RMST: variants seen among roughly 807,000 people sequenced by gnomAD.
RMST encodes rhabdomyosarcoma 2 associated transcript, also known as long intergenic non-protein coding RNA 54.
intron 11 of RMST, among the ~76,000 whole-genome samples, chr12:97,548,338 C>G (rs1883083699): frequency 1.3e-5 from 2 of 152,006 alleles, no homozygotes; most frequent in Admixed American, 1.3e-4. Flanking sequence ...ATGCTTCCAG[C>G]CTTGTTCTTT....
intron 10 of RMST, among the ~76,000 whole-genome samples, chr12:97,526,426 G>T (rs1317687919): frequency 2.0e-5 from 3 of 152,000 alleles, no homozygotes; most frequent in Non-Finnish European, 4.4e-5. Context: ...GTTACCTTTG[G>T]TGACTTTTTA....
chr12:97,540,081 G>T (rs1565935533), intron 11 of RMST, among the ~76,000 whole-genome samples: 2 of 151,618 alleles, frequency 1.3e-5, no homozygotes, highest in South Asian at 4.1e-4. Context: ...TGACTGCTTG[G>T]CGTATCCTGA....
intron 10 of RMST, among the ~76,000 whole-genome samples, chr12:97,516,171 A>C (rs1879912486): frequency 6.6e-6 from 1 of 152,054 alleles, no homozygotes; most frequent in Non-Finnish European, 1.5e-5. Context: ...ATATATCTTG[A>C]GAAATCCTTT....
intron 4 of RMST, among the ~76,000 whole-genome samples, chr12:97,464,076 A>C (rs892775922): frequency 2.9e-4 from 44 of 152,216 alleles, no homozygotes; most frequent in Admixed American, 2.0e-3. Context: ...AGTAATACAA[A>C]AAAACTCAGC....
chr12:97,536,075 T>C (rs1282851939), intron 11 of RMST, among the ~76,000 whole-genome samples: 2 of 151,582 alleles, frequency 1.3e-5, no homozygotes, highest in African/African-American at 4.8e-5. Flanking sequence ...ATGGTTTCTT[T>C]GGTGTGAGCA....
chr12:97,493,982 G>A (rs1329010364), exon 8 of RMST: 1 of 152,206 alleles, frequency 6.6e-6, no homozygotes, highest in East Asian at 1.9e-4. Context: ...AGAGCCCTGT[G>A]CTGTTCTGTC....
chr12:97,485,104 T>C (rs1463921383), intron 5 of RMST, among the ~76,000 whole-genome samples: 1 of 152,192 alleles, frequency 6.6e-6, no homozygotes, highest in Non-Finnish European at 1.5e-5. Context: ...TCAGATAACT[T>C]AGAATGATTG....
chr12:97,507,768 G>A (rs1424233985), intron 10 of RMST, among the ~76,000 whole-genome samples: 1 of 152,198 alleles, frequency 6.6e-6, no homozygotes, highest in Non-Finnish European at 1.5e-5. Context: ...GTTGAATGGA[G>A]GAGGTAGTAT....
rs1312946377 is a variant in RMST, at chr12:97,551,171, T to A, written n.1546-9366T>A. ...AATGGCATTCATGGTTCATTGTTTT[T>A]AAAAAAAAAAAAAAAAAAAGACCAA... On this transcript the variant is annotated intron_variant and non_coding_transcript_variant, in intron 11 of 13. Transcript: ENST00000640149. Among the ~76,000 whole-genome samples the A allele has an allele frequency of 8.8e-4, 117 of 132,346 alleles. 1 individual carries two copies. In the Middle Eastern group the frequency reaches 0.019, roughly 22 times the overall value. The allele number at this position is 132,346 out of a possible 152,430, so 86.8% of individuals were successfully genotyped here. A position where few individuals can be genotyped will look rare whatever the true frequency, so the allele number is the denominator to read the frequency against.
chr12:97,483,285 T>A (rs76647978), intron 5 of RMST: 1 of 152,156 alleles, frequency 6.6e-6, no homozygotes, highest in Non-Finnish European at 1.5e-5. Flanking sequence ...GTGGTAAGCA[T>A]GTATAGATAG....
chr12:97,487,603 G>GA (rs1876254435), intron 5 of RMST, among the ~76,000 whole-genome samples: 1 of 152,154 alleles, frequency 6.6e-6, no homozygotes, highest in South Asian at 2.1e-4. Flanking sequence ...AGCTAATAAT[G>GA]TTTGTTGAAG....
intron 5 of RMST, among the ~76,000 whole-genome samples, chr12:97,482,485 C>T (rs1246900364): frequency 6.6e-6 from 1 of 151,700 alleles, no homozygotes; most frequent in Non-Finnish European, 1.5e-5. Flanking sequence ...TTTTCGACAT[C>T]ATGGAAATAA....
chr12:97,559,831 G>A (rs924490279), intron 11 of RMST, among the ~76,000 whole-genome samples: 3 of 152,246 alleles, frequency 2.0e-5, no homozygotes, highest in South Asian at 4.1e-4. Context: ...CAACAAACAC[G>A]AGTGGTATGG....
intron 10 of RMST, among the ~76,000 whole-genome samples, chr12:97,502,970 G>T (rs1878255493): frequency 6.6e-6 from 1 of 152,144 alleles, no homozygotes. Context: ...TCTCCCAATA[G>T]AGCACCTGTT....
intron 10 of RMST, among the ~76,000 whole-genome samples, chr12:97,526,242 C>G (rs1881100212): frequency 6.6e-6 from 1 of 151,992 alleles, no homozygotes; most frequent in African/African-American, 2.4e-5. Flanking sequence ...GTCCCTGGTG[C>G]CAAAAATGTT....
chr12:97,550,189 C>T (rs141361866), intron 11 of RMST, among the ~76,000 whole-genome samples: 4,550 of 152,092 alleles, frequency 0.03, 117 homozygotes, highest in East Asian at 0.12. Context: ...GTCGGGAGTT[C>T]GAGACCAGGC....
intron 10 of RMST, among the ~76,000 whole-genome samples, chr12:97,507,576 G>A (rs1878839303): frequency 6.6e-6 from 1 of 152,182 alleles, no homozygotes; most frequent in East Asian, 1.9e-4. Context: ...GTGGATGGTC[G>A]TGCCACTATG....
At chr12:97,518,395 A>G (rs549667135) in intron 10 of RMST, among the ~76,000 whole-genome samples, 1 of 152,282 alleles carries the variant, frequency 6.6e-6, no homozygotes, top group Non-Finnish European at 1.5e-5. Context: ...CTGCTCTCTC[A>G]ACCCTCCCTT....
intron 10 of RMST, among the ~76,000 whole-genome samples, chr12:97,510,230 G>A (rs1879137474): frequency 6.6e-6 from 1 of 152,166 alleles, no homozygotes; most frequent in African/African-American, 2.4e-5. Flanking sequence ...TTTAGAGAAA[G>A]TTACAGTTAA....
Sources: allele counts gnomAD v4.1 joint callset (sites outside exome capture counted in the v4.1 genomes callset), GRCh38; gene constraint gnomAD v4.1.1; transcripts MANE v1.5; gene names NCBI Gene and HGNC (gene_info 2026-07-23, HGNC 2026-07-21).